Variants in TRIP11 observed in about 807,000 individuals in gnomAD.
The protein encoded by TRIP11 is thyroid receptor-interacting protein 11.
Under a neutral mutation model 223.1 loss-of-function variants are expected in TRIP11, and 148 were observed. The ratio of observed to expected loss-of-function variants is 0.66; its 90% CI spans 0.58 to 0.76. The LOEUF (loss-of-function observed/expected upper bound fraction) is 0.76, where lower values mean the gene tolerates loss of function less well. Among genes scored for constraint, TRIP11 ranks in the 30% least tolerant of loss-of-function variants. The pLI is 0.00. For missense variants in TRIP11, 2,043 were observed against 2,222.0 expected (o/e 0.92, Z 1.62); for synonymous variants, 762 against 772.6 (o/e 0.99, Z 0.23).
At chr14:91,971,165 G>A (rs1188812122) in intron 20 of TRIP11, among the ~76,000 whole-genome samples, 2 of 152,158 alleles carry the variant, frequency 1.3e-5, no homozygotes, top group African/African-American at 4.8e-5. Context: ...AACTTCAATG[G>A]TAACAGACAA....
At position 92,011,719 on chromosome 14, in the gene TRIP11, T is replaced by C. The variant is rs17127852; in HGVS notation, c.1227+36A>G. The C allele has an allele frequency of 2.9e-3, 4,506 of 1,577,400 alleles. 91 individuals carry two copies. In the African/African-American group the frequency reaches 0.042, roughly 15 times the overall value. ...CTTGGTATAGGATCTGCTTCCACTG[T>C]CTCTATGCACATAACATTTGTCAAA... On this transcript the variant is annotated intron_variant, in intron 8 of 20. Coordinates refer to ENST00000267622, the MANE Select transcript of TRIP11 (RefSeq NM_004239.4).
intron 16 of TRIP11, among the ~76,000 whole-genome samples, chr14:91,987,182 T>C (rs763533671): frequency 6.1e-4 from 93 of 152,338 alleles, no homozygotes; most frequent in Non-Finnish European, 9.3e-4. Context: ...TCAGGCCCTC[T>C]ACTAGATTTA....
intron 15 of TRIP11, among the ~76,000 whole-genome samples, chr14:91,992,908 CAAAAAAAAAAAAAAAA>C (rs550702989): frequency 3.1e-4 from 9 of 29,234 alleles, no homozygotes; most frequent in South Asian, 9.5e-4. Context: ...GACTCCGTCT[CAAAAAAAAAAAAAAAA>C]AAAAAAAAAA....
chr14:92,008,978 T>C (rs1247113008), intron 9 of TRIP11, among the ~76,000 whole-genome samples: 2 of 152,204 alleles, frequency 1.3e-5, no homozygotes, highest in Non-Finnish European at 2.9e-5. Flanking sequence ...GGAGAGTTGG[T>C]TGAAAAAACA....
chr14:92,000,141 A>G, intron 11 of TRIP11, 33 bp from the exon 12 acceptor site: 1 of 1,507,730 alleles, frequency 6.6e-7, no homozygotes, highest in Non-Finnish European at 9.0e-7. Context: ...GCTTTAAAAA[A>G]CACACACACA....
chr14:91,994,103 C>T (rs1175319426), intron 14 of TRIP11, among the ~76,000 whole-genome samples, 191 bp from the exon 15 acceptor site: 1 of 152,126 alleles, frequency 6.6e-6, no homozygotes, highest in African/African-American at 2.4e-5. Context: ...AAACACTTCT[C>T]CATCTTGTCT....
chr14:91,993,671 A>G lies in TRIP11; in HGVS notation c.5160+138T>C. 3 of 682,294 alleles carry G rather than the reference A, an allele frequency of 4.4e-6. No homozygotes were observed. The Admixed American group carries it at 7.5e-5, about 17-fold the overall frequency. 42.3% of individuals were successfully genotyped at this position (682,294 alleles called of 1,614,324 possible). On this transcript the variant is annotated intron_variant, in intron 15 of 20. Transcript: ENST00000267622. ...AATCCTGGGTATCTTGTTCACTGTC[A>G]GGCTACAGCAGAGGGCTGGATTCAG... is the stretch of plus-strand genomic sequence containing the variant.
chr14:92,029,966 G>A (rs2140145522), intron 2 of TRIP11, among the ~76,000 whole-genome samples: 1 of 152,116 alleles, frequency 6.6e-6, no homozygotes, highest in South Asian at 2.1e-4. Flanking sequence ...GGGAGGCCGA[G>A]GCGGGCGGAT....
chr14:92,034,394 GC>G (rs1332336487), intron 1 of TRIP11, among the ~76,000 whole-genome samples: 3 of 150,140 alleles, frequency 2.0e-5, no homozygotes, highest in African/African-American at 7.5e-5. Context: ...CTGCACTCCA[GC>G]CTGGGTTACA....
intron 14 of TRIP11, 63 bp from the exon 15 acceptor site, chr14:91,993,975 C>A: frequency 7.6e-7 from 1 of 1,308,162 alleles, no homozygotes; most frequent in South Asian, 1.2e-5. Context: ...GAATGTTAAG[C>A]CATTTTAAAT....
rs1404856246 is a variant in TRIP11 at position 91,966,531 on chromosome 14, T to C, written c.*3142A>G. The C allele has an allele frequency of 5.0e-6, 1 of 199,550 alleles. No individual in the cohort carries two copies. Among genetic ancestry groups the C allele is most frequent in the Non-Finnish European group, 1.0e-5 (1 of 96,710 alleles). 12.4% of individuals were successfully genotyped at this position (199,550 alleles called of 1,614,324 possible). A position where few individuals can be genotyped will look rare whatever the true frequency, so the allele number is the denominator to read the frequency against. On this transcript the variant is annotated 3_prime_UTR_variant, in exon 21 of 21. Coordinates refer to ENST00000267622, the MANE Select transcript of TRIP11 (RefSeq NM_004239.4). Reference sequence around the variant, plus strand: ...CTGAAGACATAGCTTTTCCCCCCATTGATTGGATAAGTATTTTGATAGTTT... The same window carrying C: ...CTGAAGACATAGCTTTTCCCCCCATCGATTGGATAAGTATTTTGATAGTTT...
At chr14:92,030,066 G>A (rs1198339137) in intron 2 of TRIP11, among the ~76,000 whole-genome samples, 3 of 151,108 alleles carry the variant, frequency 2.0e-5, no homozygotes, top group South Asian at 2.1e-4. Context: ...GCGTAGTGGC[G>A]GGCGCCTGTA....
At chr14:92,008,926 C>T (rs1042641126) in intron 9 of TRIP11, among the ~76,000 whole-genome samples, 2 of 152,102 alleles carry the variant, frequency 1.3e-5, no homozygotes, top group African/African-American at 2.4e-5. Context: ...TTCAAAGAAA[C>T]AGCCTAATAT....
chr14:92,021,153 G>A (rs548814950), intron 4 of TRIP11, among the ~76,000 whole-genome samples: 121 of 151,826 alleles, frequency 8.0e-4, no homozygotes, highest in African/African-American at 2.8e-3. Context: ...AACACTTTGG[G>A]AGGCCGAGGT....
intron 19 of TRIP11, among the ~76,000 whole-genome samples, 164 bp from the exon 20 acceptor site, chr14:91,973,025 C>CTTTTTT (rs142203489): frequency 7.6e-6 from 1 of 131,352 alleles, no homozygotes; most frequent in African/African-American, 3.0e-5. Context: ...AATACTGGCA[C>CTTTTTT]TTTTTTTTTT....
intron 7 of TRIP11, 150 bp from the exon 8 acceptor site, chr14:92,011,945 C>G: frequency 2.9e-6 from 2 of 680,338 alleles, no homozygotes; most frequent in South Asian, 3.5e-5. Flanking sequence ...TATTTGTATT[C>G]CTGTTTTGTC....
intron 2 of TRIP11, among the ~76,000 whole-genome samples, chr14:92,029,277 A>ATTTT (rs2057229563): frequency 1.0e-5 from 1 of 97,128 alleles, no homozygotes; most frequent in Non-Finnish European, 2.0e-5. Flanking sequence ...TGCCCAAAGT[A>ATTTT]TTATTTTTTT....
chr14:91,976,653 C>T (rs1303640800), intron 16 of TRIP11, among the ~76,000 whole-genome samples: 2 of 152,116 alleles, frequency 1.3e-5, no homozygotes. Flanking sequence ...CAACTAAGAC[C>T]ATGGCTCAGG....
chr14:92,038,099 G>A (rs1190441438), intron 1 of TRIP11, among the ~76,000 whole-genome samples: 3 of 152,226 alleles, frequency 2.0e-5, no homozygotes, highest in Non-Finnish European at 2.9e-5. Flanking sequence ...AAGATATCAT[G>A]ACCAACTGGA....
Sources: gnomAD v4.1 joint callset for allele counts (sites outside exome capture counted in the v4.1 genomes callset) on GRCh38, gnomAD v4.1.1 for gene constraint, MANE v1.5 for transcripts, NCBI Gene and HGNC (gene_info 2026-07-23, HGNC 2026-07-21) for gene names.